The following DACH2 variants were observed in gnomAD, a reference collection of about 807,000 sequenced individuals.
DACH2 encodes the protein dachshund homolog 2.
In DACH2, 17 loss-of-function variants were observed where a neutral mutation model predicts 35.8. That is an observed-to-expected ratio of 0.48 (90% CI 0.33 to 0.71). The LOEUF (loss-of-function observed/expected upper bound fraction) is 0.71. DACH2 is among the 30% of genes least tolerant of loss of function. DACH2 has a pLI of 0.02. For missense variants in DACH2, 469 were observed against 472.7 expected (o/e 0.99, Z 0.07); for synonymous variants, 195 against 177.3 (o/e 1.10, Z -0.79).
intron 6 of DACH2, among the ~76,000 whole-genome samples, chrX:86,717,884 C>A (rs1398015986): frequency 9.4e-6 from 1 of 106,165 alleles, no homozygotes; most frequent in East Asian, 2.9e-4. Context: ...ATATATCTTG[C>A]AGTTTTTCTT....
intron 3 of DACH2, among the ~76,000 whole-genome samples, chrX:86,616,370 C>G: frequency 8.9e-6 from 1 of 111,963 alleles, no homozygotes; most frequent in Non-Finnish European, 1.9e-5. Context: ...AATGATTTAA[C>G]TACTTCACAC....
chrX:86,382,461 T>TACACAC lies in DACH2; in HGVS notation c.527+5638_527+5643dup, dbSNP rs55825336. Among the ~76,000 whole-genome samples the TACACAC allele has an allele frequency of 7.1e-3, 668 of 94,594 alleles. 7 individuals are homozygous for TACACAC. The highest frequency in any genetic ancestry group is 0.02 in the African/African-American group (495 of 25,015). 82.1% of individuals were successfully genotyped at this position (94,594 alleles called of 115,157 possible). On this transcript the variant is annotated intron_variant, in intron 2 of 11. Transcript: ENST00000373125. ...CAGAGTTGCAAATATGCTACATTCA[T>TACACAC]ACACACACACACACACACACACACA... is the stretch of plus-strand genomic sequence containing the variant.
chrX:86,209,566 C>T (rs1002170982), intron 1 of DACH2, among the ~76,000 whole-genome samples: 6 of 111,518 alleles, frequency 5.4e-5, no homozygotes, highest in Non-Finnish European at 1.1e-4. Flanking sequence ...TCAGGATATC[C>T]TCATTGTTTG....
intron 7 of DACH2, among the ~76,000 whole-genome samples, chrX:86,746,789 T>A (rs1205474072): frequency 9.0e-6 from 1 of 111,345 alleles, no homozygotes; most frequent in Admixed American, 9.6e-5. Flanking sequence ...GATCAATTTA[T>A]CTATTTTTTG....
At chrX:86,319,411 A>G (rs148078344) in intron 1 of DACH2, among the ~76,000 whole-genome samples, 2 of 111,676 alleles carry the variant, frequency 1.8e-5, no homozygotes, top group Non-Finnish European at 3.8e-5. Flanking sequence ...TCTCAATTAC[A>G]TGTCATAGCT....
Position 86,721,048 on chromosome X carries a change from C to A in DACH2, c.1104+6328C>A, listed in dbSNP as rs183075093. The stretch of plus-strand genomic sequence containing the variant: ...CTGGAGCAGCTGGGACGAAGGGCAC[C>A]AAGTCCCTAGGCTGCACACAGCAGG... On this transcript the variant is annotated intron_variant, in intron 6 of 11. Coordinates refer to ENST00000373125, the MANE Select transcript of DACH2 (RefSeq NM_053281.3). Among the ~76,000 whole-genome samples, 523 of 112,281 alleles carry A rather than the reference C, an allele frequency of 4.7e-3. 3 individuals carry two copies. Among genetic ancestry groups the A allele is most frequent in the African/African-American group, 0.016 (493 of 30,944 alleles).
chrX:86,650,882 G>T (rs2040470094), intron 3 of DACH2, among the ~76,000 whole-genome samples, 154 bp from the exon 4 acceptor site: 1 of 111,073 alleles, frequency 9.0e-6, no homozygotes, highest in Non-Finnish European at 1.9e-5. Flanking sequence ...ATTAAGAAAT[G>T]ATCCCCATTT....
chrX:86,765,696 T>A (rs1569479617), intron 7 of DACH2, among the ~76,000 whole-genome samples: 1 of 75,450 alleles, frequency 1.3e-5, no homozygotes, highest in Non-Finnish European at 2.5e-5. Flanking sequence ...TGTTGTTTTT[T>A]GGTTTTTTTT....
intron 4 of DACH2, among the ~76,000 whole-genome samples, chrX:86,661,889 T>C (rs2040608989): frequency 8.9e-6 from 1 of 112,186 alleles, no homozygotes; most frequent in South Asian, 3.7e-4. Context: ...GCAAATTTCT[T>C]GATATTCCAA....
At chrX:86,226,908 T>C (rs1176071909) in intron 1 of DACH2, among the ~76,000 whole-genome samples, 1 of 111,500 alleles carries the variant, frequency 9.0e-6, no homozygotes, top group African/African-American at 3.2e-5. Context: ...TAAAATATAC[T>C]TTTAACACTA....
chrX:86,173,640 G>A (rs1425295394), intron 1 of DACH2, among the ~76,000 whole-genome samples: 1 of 111,824 alleles, frequency 8.9e-6, no homozygotes, highest in African/African-American at 3.3e-5. Flanking sequence ...TCATAATGGA[G>A]TAGGAAAGAG....
chrX:86,344,366 G>A (rs1358033079), intron 1 of DACH2, among the ~76,000 whole-genome samples: 6 of 102,312 alleles, frequency 5.9e-5, no homozygotes, highest in Non-Finnish European at 6.0e-5. Flanking sequence ...ATTGAAATAC[G>A]CATTATGCTG....
intron 3 of DACH2, among the ~76,000 whole-genome samples, chrX:86,638,129 T>C: frequency 9.0e-6 from 1 of 111,442 alleles, no homozygotes; most frequent in Non-Finnish European, 1.9e-5. Context: ...CCAACTGATG[T>C]TTAACAAAGT....
In DACH2 at chrX:86,148,807, A is replaced by C. The variant is rs2030253105; in HGVS notation, c.187A>C (p.Thr63Pro). ...NSAGGGGRGN[T>P]NTNECRMVDM... The stretch of plus-strand genomic sequence containing the variant: ...TGCCGGAGGCGGCGGCAGGGGCAAC[A>C]CCAACACCAACGAGTGCCGCATGGT... The change falls in exon 1 of 12, where the codon ACC becomes CCC. Residue 63 changes from threonine to proline, a missense_variant. By Grantham distance (38) the Thr-to-Pro change is conservative (BLOSUM62 -1). Coordinates refer to ENST00000373125, the MANE Select transcript of DACH2 (RefSeq NM_053281.3). 4 of 1,209,427 alleles carry C rather than the reference A, an allele frequency of 3.3e-6. No individual in the cohort carries two copies. The South Asian group carries it at 7.1e-5, about 21-fold the overall frequency.
intron 2 of DACH2, among the ~76,000 whole-genome samples, chrX:86,433,909 C>T (rs1167325086): frequency 9.0e-6 from 1 of 111,721 alleles, no homozygotes; most frequent in African/African-American, 3.2e-5. Flanking sequence ...CATTATCATG[C>T]ATGTCCCTGG....
intron 2 of DACH2, among the ~76,000 whole-genome samples, chrX:86,410,562 A>C (rs1161492642): frequency 1.8e-5 from 2 of 111,502 alleles, no homozygotes; most frequent in Non-Finnish European, 3.8e-5. Context: ...CCTTCCCAAA[A>C]ACATGGGAAA....
chrX:86,630,362 T>TTA (rs780748425), intron 3 of DACH2, among the ~76,000 whole-genome samples: 80 of 106,777 alleles, frequency 7.5e-4, no homozygotes, highest in South Asian at 1.2e-3. Context: ...TTGCTTTGAA[T>TTA]TATATATATA....
At chrX:86,477,404 A>C (rs2037863732) in intron 2 of DACH2, among the ~76,000 whole-genome samples, 1 of 101,734 alleles carries the variant, frequency 9.8e-6, no homozygotes, top group Admixed American at 1.1e-4. Context: ...TGACTCCTTT[A>C]TCATGATATA....
intron 3 of DACH2, among the ~76,000 whole-genome samples, chrX:86,537,153 T>C (rs1230768255): frequency 8.9e-6 from 1 of 111,767 alleles, no homozygotes; most frequent in Admixed American, 9.5e-5. Flanking sequence ...GCTGCCAATG[T>C]TTCTAGCTTG....
Sources: gnomAD v4.1 joint callset for allele counts (sites outside exome capture counted in the v4.1 genomes callset) on GRCh38, gnomAD v4.1.1 for gene constraint, MANE v1.5 for transcripts, NCBI Gene and HGNC (gene_info 2026-07-23, HGNC 2026-07-21) for gene names.